Variants in PRRX2 observed in about 807,000 individuals in gnomAD.
PRRX2 encodes paired related homeobox 2, also known as paired mesoderm homeobox protein 2.
A neutral mutation model predicts 18.0 loss-of-function variants in PRRX2; 11 were observed. That is an observed-to-expected ratio of 0.61 (90% CI 0.39 to 1.01). The LOEUF (loss-of-function observed/expected upper bound fraction) is 1.01. PRRX2 is among the 50% of genes least tolerant of loss of function. The pLI is 0.01. For missense variants in PRRX2, 387 were observed against 351.0 expected (o/e 1.10, Z -0.82); for synonymous variants, 177 against 154.8 (o/e 1.14, Z -1.06).
In PRRX2 at chr9:129,709,253, G is replaced by T. The variant is rs1432825601; in HGVS notation, c.260-9978G>T. Among the ~76,000 whole-genome samples the T allele has an allele frequency of 6.6e-6, 1 of 152,216 alleles. No homozygotes were observed. Among genetic ancestry groups the T allele is most frequent in the East Asian group, 1.9e-4 (1 of 5,190 alleles). ...CACTGGCCCCTCCGCTTTCTTGTGGGTCTGGTGGCCCCATGGAAATGTGTG... is the reference window on the plus strand; with the variant it reads ...CACTGGCCCCTCCGCTTTCTTGTGGTTCTGGTGGCCCCATGGAAATGTGTG... On this transcript the variant is annotated intron_variant, in intron 1 of 3. Coordinates refer to ENST00000372469, the MANE Select transcript of PRRX2 (RefSeq NM_016307.4). The surrounding 1 kb of genome is among the most constrained non-coding windows in gnomAD (Gnocchi z 4.2).
At chr9:129,716,691 G>A (rs1832712048) in intron 1 of PRRX2, among the ~76,000 whole-genome samples, 1 of 152,078 alleles carries the variant, frequency 6.6e-6, no homozygotes, top group Non-Finnish European at 1.5e-5. Context: ...CTGACCTCAG[G>A]TGATCCACCT....
chr9:129,702,397 C>CAA (rs79630793), intron 1 of PRRX2, among the ~76,000 whole-genome samples: 18 of 89,240 alleles, frequency 2.0e-4, no homozygotes, highest in Middle Eastern at 6.6e-3. Context: ...GACTCCGTCT[C>CAA]AAAAAAAAAA....
chr9:129,701,780 G>A (rs1259885901), intron 1 of PRRX2, among the ~76,000 whole-genome samples: 5 of 152,180 alleles, frequency 3.3e-5, no homozygotes, highest in African/African-American at 1.2e-4. Context: ...TGTTGTCGTG[G>A]GATTTGTAGG....
At chr9:129,686,811 C>T (rs928387085) in intron 1 of PRRX2, among the ~76,000 whole-genome samples, 5 of 152,232 alleles carry the variant, frequency 3.3e-5, no homozygotes, top group African/African-American at 1.2e-4. Context: ...CCACCCAGGC[C>T]CCTCCCCTCC....
rs1176681262 is a variant in PRRX2 at position 129,671,238 on chromosome 9, G to A, written c.259+5112G>A. 6.6e-6 allele frequency among the ~76,000 whole-genome samples: 1 copy of A among 152,238 alleles called. No individual in the cohort carries two copies. Among genetic ancestry groups the A allele is most frequent in the Non-Finnish European group, 1.5e-5 (1 of 68,040 alleles). On this transcript the variant is annotated intron_variant, in intron 1 of 3. Transcript: ENST00000372469. This position sits in a 1 kb window ranked among gnomAD's most constrained non-coding sequence, Gnocchi z 4.0. ...GCAGGGAGGGAGGAGGAGTGAGTGA[G>A]AGGCTGAGTGCCCAGGGGGCCTTCC...
chr9:129,689,209 G>A (rs1832329878), intron 1 of PRRX2, among the ~76,000 whole-genome samples: 1 of 152,148 alleles, frequency 6.6e-6, no homozygotes, highest in Non-Finnish European at 1.5e-5. Context: ...CAGAGCACAG[G>A]GGTCTTCAGT....
chr9:129,696,068 A>T (rs1267983306), intron 1 of PRRX2, among the ~76,000 whole-genome samples: 1 of 149,780 alleles, frequency 6.7e-6, no homozygotes, highest in Non-Finnish European at 1.5e-5. Flanking sequence ...AGTCCACAGT[A>T]AAAGAAAGAA....
intron 1 of PRRX2, among the ~76,000 whole-genome samples, chr9:129,704,149 C>T (rs768418716): frequency 6.6e-6 from 1 of 152,168 alleles, no homozygotes; most frequent in South Asian, 2.1e-4. Flanking sequence ...GGGAATGGTT[C>T]GTAGAGTTCC....
chr9:129,683,560 C>G (rs1832259831), intron 1 of PRRX2, among the ~76,000 whole-genome samples: 1 of 152,056 alleles, frequency 6.6e-6, no homozygotes, highest in Non-Finnish European at 1.5e-5. Flanking sequence ...ACGGTGAAAC[C>G]CTGTCTCTAC....
At chr9:129,679,183 G>GT (rs1336608272) in intron 1 of PRRX2, among the ~76,000 whole-genome samples, 3 of 152,126 alleles carry the variant, frequency 2.0e-5, no homozygotes, top group African/African-American at 7.3e-5. Context: ...CCAGGGCTGT[G>GT]TGTCCCAAGT....
At chr9:129,680,961 A>C (rs1384728661) in intron 1 of PRRX2, among the ~76,000 whole-genome samples, 1 of 152,242 alleles carries the variant, frequency 6.6e-6, no homozygotes, top group East Asian at 1.9e-4. Flanking sequence ...TTCAAATTAG[A>C]GATTAATTAC....
chr9:129,693,018 G>A (rs1003960041), intron 1 of PRRX2, among the ~76,000 whole-genome samples: 1 of 152,196 alleles, frequency 6.6e-6, no homozygotes, highest in African/African-American at 2.4e-5. Flanking sequence ...CTCGCCAGCA[G>A]TGGATGAGAG....
At chr9:129,681,685 T>G (rs937024991) in intron 1 of PRRX2, among the ~76,000 whole-genome samples, 6 of 137,806 alleles carry the variant, frequency 4.4e-5, no homozygotes, top group Admixed American at 3.6e-4. Context: ...AAACCCGCCC[T>G]CCCTCCACCC....
At chr9:129,697,356 GCCGGGGCGC>G in intron 1 of PRRX2, among the ~76,000 whole-genome samples, 1 of 152,096 alleles carries the variant, frequency 6.6e-6, no homozygotes, top group South Asian at 2.1e-4. Flanking sequence ...CTCCCGCCCG[GCCGGGGCGC>G]GCACCCTCGG....
intron 1 of PRRX2, among the ~76,000 whole-genome samples, chr9:129,678,350 C>G (rs781244051): frequency 1.3e-5 from 2 of 152,132 alleles, no homozygotes; most frequent in Non-Finnish European, 2.9e-5. Context: ...TCTCCTTCCA[C>G]AAATATTGTT....
chr9:129,685,695 T>C (rs1832292054), intron 1 of PRRX2, among the ~76,000 whole-genome samples: 1 of 152,192 alleles, frequency 6.6e-6, no homozygotes, highest in Non-Finnish European at 1.5e-5. Flanking sequence ...ATTTCCAGTC[T>C]CCCATTTTCC....
At chr9:129,701,384 G>A (rs954714017) in intron 1 of PRRX2, among the ~76,000 whole-genome samples, 3 of 152,188 alleles carry the variant, frequency 2.0e-5, no homozygotes, top group Non-Finnish European at 2.9e-5. Flanking sequence ...AGGTATTGTC[G>A]AGGCACTTTA....
At chr9:129,701,382 T>C (rs1832494101) in intron 1 of PRRX2, among the ~76,000 whole-genome samples, 1 of 152,358 alleles carries the variant, frequency 6.6e-6, no homozygotes, top group Admixed American at 6.5e-5. Flanking sequence ...CCAGGTATTG[T>C]CGAGGCACTT....
intron 1 of PRRX2, among the ~76,000 whole-genome samples, chr9:129,702,850 C>T (rs1332999755): frequency 6.6e-6 from 1 of 152,212 alleles, no homozygotes; most frequent in African/African-American, 2.4e-5. Context: ...AGCCTCTTCA[C>T]GTGGCAAAGT....
Sources: gnomAD v4.1 joint callset for allele counts (sites outside exome capture counted in the v4.1 genomes callset) on GRCh38, gnomAD v4.1.1 for gene constraint, Gnocchi (gnomAD v3.1) non-coding constraint, MANE v1.5 for transcripts, NCBI Gene and HGNC (gene_info 2026-07-23, HGNC 2026-07-21) for gene names.